Variants in LAMA1 observed in about 807,000 individuals in gnomAD.
The protein encoded by LAMA1 is laminin subunit alpha-1.
A neutral mutation model predicts 348.7 loss-of-function variants in LAMA1; 219 were observed. The ratio of observed to expected loss-of-function variants is 0.63; its 90% CI spans 0.56 to 0.70. The LOEUF (loss-of-function observed/expected upper bound fraction) is 0.70. Among genes scored for constraint, LAMA1 ranks in the 30% least tolerant of loss-of-function variants. The pLI is 0.00. For missense variants in LAMA1, 3,744 were observed against 3,888.0 expected, an observed-to-expected ratio of 0.96 and a Z score of 0.99; for synonymous variants, 1,487 against 1,491.0, an observed-to-expected ratio of 1.00 and a Z score of 0.06.
chr18:7,077,780 G>A (rs573127149), intron 3 of LAMA1, among the ~76,000 whole-genome samples: 13 of 152,058 alleles, frequency 8.5e-5, no homozygotes, highest in South Asian at 2.1e-4. Flanking sequence ...GGGAAAAACC[G>A]AAATCTTCCA....
chr18:7,052,478 G>C (rs1387378234), intron 3 of LAMA1, among the ~76,000 whole-genome samples: 2 of 151,346 alleles, frequency 1.3e-5, no homozygotes, highest in Non-Finnish European at 2.9e-5. Flanking sequence ...TGTAATCCCA[G>C]CACTTTGGGA....
intron 3 of LAMA1, among the ~76,000 whole-genome samples, chr18:7,069,139 CA>C (rs2058135579): frequency 6.6e-6 from 1 of 152,310 alleles, no homozygotes; most frequent in African/African-American, 2.4e-5. Flanking sequence ...TGAGCTCTGC[CA>C]AATGGCAAAA....
rs1233421676 is a variant in LAMA1 at position 7,046,267 on chromosome 18, C to T, written c.858+11G>A. 1.3e-5 allele frequency: 21 copies of T among 1,572,062 alleles called. No individual in the cohort carries two copies. Among genetic ancestry groups the T allele is most frequent in the Non-Finnish European group, 1.8e-5 (21 of 1,142,386 alleles). ...TGAAGTTTTAGTAAAATGTGAAATA[C>T]TAGAACTCACCTTTGTAGTTTCATC... On this transcript the variant is annotated intron_variant, in intron 6 of 62. Transcript: ENST00000389658.
intron 11 of LAMA1, among the ~76,000 whole-genome samples, chr18:7,038,245 T>A (rs78802694): frequency 0.013 from 2,013 of 152,228 alleles, 24 homozygotes; most frequent in Non-Finnish European, 0.021. Flanking sequence ...GGTAAGTCCC[T>A]ACCGAGCAGC....
chr18:6,942,789 G>C (rs1377403211), intron 62 of LAMA1, among the ~76,000 whole-genome samples: 1 of 152,152 alleles, frequency 6.6e-6, no homozygotes, highest in Non-Finnish European at 1.5e-5. Context: ...TTTATTATTT[G>C]CAACAATTCC....
At chr18:7,076,869 C>G (rs961559555) in intron 3 of LAMA1, 1 of 152,120 alleles carries the variant, frequency 6.6e-6, no homozygotes, top group African/African-American at 2.4e-5. Context: ...TTCACTGAAA[C>G]GAACATGGTC....
chr18:7,069,968 A>G (rs2143762849), intron 3 of LAMA1, among the ~76,000 whole-genome samples: 1 of 152,352 alleles, frequency 6.6e-6, no homozygotes, highest in African/African-American at 2.4e-5. Flanking sequence ...ATAAAGTTTC[A>G]CAGTGATTTC....
chr18:7,000,038 A>G (rs2057800797), intron 30 of LAMA1, 41 bp from the exon 31 acceptor site: 1 of 1,426,102 alleles, frequency 7.0e-7, no homozygotes, highest in Admixed American at 1.7e-5. Context: ...CAGATATACA[A>G]TTTCCATCTT....
intron 48 of LAMA1, among the ~76,000 whole-genome samples, chr18:6,970,689 T>A (rs1468921204): frequency 6.6e-6 from 1 of 151,834 alleles, no homozygotes; most frequent in Non-Finnish European, 1.5e-5. Context: ...AGTGGCATGA[T>A]CTTGGCTCTG....
intron 1 of LAMA1, among the ~76,000 whole-genome samples, chr18:7,085,235 G>A (rs1016245665): frequency 1.3e-5 from 2 of 151,974 alleles, no homozygotes; most frequent in African/African-American, 4.8e-5. Flanking sequence ...GGCTTCTGGT[G>A]TTGGGAGTTT....
intron 33 of LAMA1, among the ~76,000 whole-genome samples, chr18:6,996,730 G>T (rs1382948477): frequency 6.6e-6 from 1 of 152,090 alleles, no homozygotes; most frequent in Non-Finnish European, 1.5e-5. Flanking sequence ...AGTGGGCCAT[G>T]ACTGCGCCAC....
intron 34 of LAMA1, among the ~76,000 whole-genome samples, chr18:6,994,672 GACACACACAC>G (rs10534077): frequency 4.8e-4 from 71 of 148,576 alleles, no homozygotes; most frequent in African/African-American, 1.6e-3. Flanking sequence ...TCACAGTACA[GACACACACAC>G]ACACACACAC....
At chr18:7,066,992 T>C (rs2058125345) in intron 3 of LAMA1, among the ~76,000 whole-genome samples, 1 of 152,218 alleles carries the variant, frequency 6.6e-6, no homozygotes, top group Non-Finnish European at 1.5e-5. Flanking sequence ...TGTCTCCCAA[T>C]GGGAACAGGT....
At chr18:6,972,852 G>A (rs1311197208) in intron 47 of LAMA1, among the ~76,000 whole-genome samples, 3 of 152,060 alleles carry the variant, frequency 2.0e-5, no homozygotes, top group Non-Finnish European at 2.9e-5. Context: ...CACCACACCC[G>A]GCTAATTTTG....
intron 46 of LAMA1, 79 bp downstream of exon 46, chr18:6,974,824 T>C: frequency 1.9e-6 from 3 of 1,544,890 alleles, no homozygotes; most frequent in Non-Finnish European, 2.7e-6. Context: ...AAGCCTATTA[T>C]ATGATGTTAC....
intron 61 of LAMA1, among the ~76,000 whole-genome samples, chr18:6,944,578 CTG>C (rs2057514099): frequency 6.6e-6 from 1 of 152,142 alleles, no homozygotes; most frequent in Non-Finnish European, 1.5e-5. Flanking sequence ...TCCAATCTGA[CTG>C]TGTCTTTATA....
At position 6,955,475 on chromosome 18, in the gene LAMA1, A is replaced by G; in HGVS notation, c.8095-10T>C. 6.2e-7 allele frequency: 1 copy of G among 1,600,158 alleles called. No homozygotes were observed. The highest frequency in any genetic ancestry group is 8.6e-7 in the Non-Finnish European group (1 of 1,167,470). On this transcript the variant is annotated splice_polypyrimidine_tract_variant and intron_variant, in intron 56 of 62. Coordinates refer to ENST00000389658, the MANE Select transcript of LAMA1 (RefSeq NM_005559.4). ...CCACCACACACTGTTCCTGTAAGAG[A>G]CACACAGGGACACTCAGCCGCCACC... is the stretch of plus-strand genomic sequence containing the variant.
intron 23 of LAMA1, among the ~76,000 whole-genome samples, 168 bp downstream of exon 23, chr18:7,013,647 T>C (rs1344074419): frequency 2.0e-5 from 3 of 152,096 alleles, no homozygotes; most frequent in Non-Finnish European, 4.4e-5. Flanking sequence ...TCAAAAATCA[T>C]CCGTCACTCT....
intron 37 of LAMA1, 118 bp downstream of exon 37, chr18:6,986,019 A>G (rs943390155): frequency 3.6e-6 from 4 of 1,121,738 alleles, no homozygotes; most frequent in Admixed American, 1.7e-5. Context: ...CGGCCTCCCA[A>G]AGTGCTGGGA....
Sources: allele counts gnomAD v4.1 joint callset (sites outside exome capture counted in the v4.1 genomes callset), GRCh38; gene constraint gnomAD v4.1.1; transcripts MANE v1.5; gene names NCBI Gene and HGNC (gene_info 2026-07-23, HGNC 2026-07-21).